The following GCFC2 variants were observed in gnomAD, a reference collection of about 807,000 sequenced individuals.
GCFC2 encodes intron Large complex component GCFC2.
In GCFC2, 102 loss-of-function variants were observed where a neutral mutation model predicts 99.4. The observed-to-expected ratio is 1.03, with a 90% confidence interval of 0.87 to 1.21. The LOEUF (loss-of-function observed/expected upper bound fraction) is 1.21, where lower values mean the gene tolerates loss of function less well. Among genes scored for constraint, GCFC2 ranks in the 50% most tolerant of loss-of-function variants. The pLI is 0.00. For synonymous variants in GCFC2, 338 were observed against 316.8 expected, an observed-to-expected ratio of 1.07 and a Z score of -0.71; for missense variants, 973 against 920.9, an observed-to-expected ratio of 1.06 and a Z score of -0.73.
chr2:75,683,856 A>G (rs1472266469), intron 11 of GCFC2, among the ~76,000 whole-genome samples: 1 of 152,122 alleles, frequency 6.6e-6, no homozygotes, highest in Non-Finnish European at 1.5e-5. Flanking sequence ...TTAAGCCAGC[A>G]AAGATCAAAA....
chr2:75,692,457 GCCAACATAGCGAAACC>G (rs1253395067), intron 6 of GCFC2, among the ~76,000 whole-genome samples: 1 of 151,998 alleles, frequency 6.6e-6, no homozygotes, highest in Non-Finnish European at 1.5e-5. Flanking sequence ...GGCCAGCCTG[GCCAACATAGCGAAACC>G]CCTTCTCTAC....
intron 2 of GCFC2, among the ~76,000 whole-genome samples, chr2:75,705,616 CA>C (rs34447327): frequency 8.3e-5 from 7 of 84,328 alleles, no homozygotes; most frequent in African/African-American, 3.4e-4. Context: ...GACTCCATCT[CA>C]AAAAAAAAAA....
intron 1 of GCFC2, among the ~76,000 whole-genome samples, chr2:75,708,224 A>G (rs1680958830): frequency 6.6e-6 from 1 of 152,190 alleles, no homozygotes; most frequent in Non-Finnish European, 1.5e-5. Context: ...GTGAAAATTG[A>G]GATTTTGGAA....
At chr2:75,705,887 C>T (rs1680839286) in intron 2 of GCFC2, among the ~76,000 whole-genome samples, 1 of 152,136 alleles carries the variant, frequency 6.6e-6, no homozygotes, top group African/African-American at 2.4e-5. Context: ...CTCAACTCTG[C>T]TGCTGCAGTG....
intron 11 of GCFC2, among the ~76,000 whole-genome samples, chr2:75,685,637 C>T (rs903615084): frequency 1.3e-5 from 2 of 152,096 alleles, no homozygotes; most frequent in Non-Finnish European, 2.9e-5. Context: ...CACTTACCTT[C>T]TCTTTTCGGT....
Position 75,710,864 on chromosome 2 carries a change from C to A in GCFC2, c.-9G>T. On this transcript the variant is annotated 5_prime_UTR_variant, in exon 1 of 17. Transcript: ENST00000321027. Reference sequence around the variant, plus strand: ...TTCGGCCTGTGAGCCATGGCCGAGGCCCGAGCGCCCGGCGCCCTAGAACCC... The same window carrying A: ...TTCGGCCTGTGAGCCATGGCCGAGGACCGAGCGCCCGGCGCCCTAGAACCC... The A allele has an allele frequency of 1.9e-6, 3 of 1,541,798 alleles. No homozygotes were observed. The highest frequency in any genetic ancestry group is 2.6e-6 in the Non-Finnish European group (3 of 1,150,866).
intron 2 of GCFC2, among the ~76,000 whole-genome samples, chr2:75,702,980 G>T (rs565900908): frequency 6.6e-6 from 1 of 152,156 alleles, no homozygotes; most frequent in Non-Finnish European, 1.5e-5. Context: ...GTTCTGTAGT[G>T]AGCCCCACGT....
rs377663389 is a variant in GCFC2 at position 75,673,006 on chromosome 2, CAT to C, written c.1889+436_1889+437del. 4.2e-3 allele frequency among the ~76,000 whole-genome samples: 633 copies of C among 152,296 alleles called. 4 individuals carry two copies. The highest frequency in any genetic ancestry group is 0.013 in the African/African-American group (550 of 41,570). On this transcript the variant is annotated intron_variant, in intron 13 of 16. Coordinates refer to ENST00000321027, the MANE Select transcript of GCFC2 (RefSeq NM_003203.5). ...TGCATCCTCATAGAGTATGTGTACA[CAT>C]GTTTTGAAAACACTATAGTTGGCCG...
rs1679201884 is a variant in GCFC2 at position 75,673,298 on chromosome 2, ACT to A, written c.1889+144_1889+145del. Reference sequence around the variant, plus strand: ...ACTCCAGCCTGGGCGACAGAGTGAGACTCAGTCTCAAAAGAAAAAAAAAAAAG... The same window carrying A: ...ACTCCAGCCTGGGCGACAGAGTGAGACAGTCTCAAAAGAAAAAAAAAAAAG... On this transcript the variant is annotated intron_variant, in intron 13 of 16. Coordinates refer to ENST00000321027, the MANE Select transcript of GCFC2 (RefSeq NM_003203.5). 3.2e-5 allele frequency: 19 copies of A among 595,956 alleles called. No homozygotes were observed. The Admixed American group carries it at 5.8e-4, about 18-fold the overall frequency. 36.9% of individuals were successfully genotyped at this position (595,956 alleles called of 1,614,324 possible).
chr2:75,679,412 T>G (rs1043294966), intron 12 of GCFC2, among the ~76,000 whole-genome samples: 2 of 152,138 alleles, frequency 1.3e-5, no homozygotes, highest in African/African-American at 2.4e-5. Flanking sequence ...ACTGCATGAA[T>G]CTACAATCTC....
At chr2:75,712,316 G>C (rs1328613579), upstream of GCFC2, among the ~76,000 whole-genome samples, 1 of 152,074 alleles carries the variant, frequency 6.6e-6, no homozygotes, top group South Asian at 2.1e-4. Context: ...CCTGTGTTTA[G>C]CTCAAGGTTT....
At chr2:75,711,720 C>G (rs887574781), upstream of GCFC2, among the ~76,000 whole-genome samples, 1 of 152,238 alleles carries the variant, frequency 6.6e-6, no homozygotes, top group Admixed American at 6.5e-5. Context: ...GCACCCGGGC[C>G]AGCGGCTACA....
At chr2:75,684,211 C>A (rs1170690990) in intron 11 of GCFC2, among the ~76,000 whole-genome samples, 3 of 152,276 alleles carry the variant, frequency 2.0e-5, no homozygotes, top group Admixed American at 2.0e-4. Flanking sequence ...TATTCTAAAA[C>A]TGACCACATA....
rs60163680 is a variant in GCFC2 at position 75,701,821 on chromosome 2, A to G, written c.619+378T>C. The G allele has an allele frequency of 1.5e-3, 1,436 of 944,872 alleles. 9 individuals carry two copies. In the African/African-American group the frequency reaches 0.024, roughly 16 times the overall value. The allele number at this position is 944,872 out of a possible 1,614,324, so 58.5% of individuals were successfully genotyped here. On this transcript the variant is annotated intron_variant, in intron 3 of 16. Coordinates refer to ENST00000321027, the MANE Select transcript of GCFC2 (RefSeq NM_003203.5). ...TTATTGGTAGAGGAAATTTTTTATT[A>G]CAGCAGGGAAGATTTTAATACATGA...
At chr2:75,702,008 T>C (rs764412122) in intron 3 of GCFC2, 191 bp downstream of exon 3, 12 of 1,388,386 alleles carry the variant, frequency 8.6e-6, no homozygotes, top group Non-Finnish European at 9.3e-6. Context: ...TTATTACACA[T>C]ACTCCTTGAT....
At chr2:75,681,788 A>C (rs79107606) in intron 11 of GCFC2, among the ~76,000 whole-genome samples, 25 of 152,010 alleles carry the variant, frequency 1.6e-4, no homozygotes, top group East Asian at 7.7e-4. Context: ...CTGAGGCTTC[A>C]GTAGCCGGTT....
intron 16 of GCFC2, 90 bp downstream of exon 16, chr2:75,665,839 C>T (rs927928148): frequency 2.6e-6 from 2 of 779,354 alleles, no homozygotes; most frequent in Non-Finnish European, 3.8e-6. Flanking sequence ...TTTAAAAGTA[C>T]AGTAAAAATA....
Position 75,701,862 on chromosome 2 carries a change from T to C in GCFC2, c.619+337A>G, listed in dbSNP as rs1680606318. The C allele has an allele frequency of 3.0e-6, 3 of 1,012,974 alleles. No homozygotes were observed. In the East Asian group the frequency reaches 2.5e-4, roughly 84 times the overall value. 62.7% of individuals were successfully genotyped at this position (1,012,974 alleles called of 1,614,324 possible). On this transcript the variant is annotated intron_variant, in intron 3 of 16. Transcript: ENST00000321027. ...TAATACATGACATCTAAAATCTCTA[T>C]AGATGCTTCCATGTTAAAAAAAATA...
At chr2:75,687,493 G>A (rs995687903) in intron 11 of GCFC2, among the ~76,000 whole-genome samples, 1 of 152,094 alleles carries the variant, frequency 6.6e-6, no homozygotes, top group Non-Finnish European at 1.5e-5. Flanking sequence ...GCAAAGACCA[G>A]AGAGGTGGGC....
Sources: gnomAD v4.1 joint callset for allele counts (sites outside exome capture counted in the v4.1 genomes callset) on GRCh38, gnomAD v4.1.1 for gene constraint, MANE v1.5 for transcripts, NCBI Gene and HGNC (gene_info 2026-07-23, HGNC 2026-07-21) for gene names.